AFTPH: variants seen among roughly 807,000 people sequenced by gnomAD.
AFTPH encodes aftiphilin, also known as aftiphilin protein.
In AFTPH, 7 loss-of-function variants were observed where a neutral mutation model predicts 72.5. That is an observed-to-expected ratio of 0.10 (90% CI 0.05 to 0.18). AFTPH has a LOEUF of 0.18. AFTPH is among the 10% of genes least tolerant of loss of function. AFTPH has a pLI of 1.00. For missense variants in AFTPH, 979 were observed against 1,060.5 expected (o/e 0.92, Z 1.07); for synonymous variants, 337 against 370.1 (o/e 0.91, Z 1.03).
intron 2 of AFTPH, among the ~76,000 whole-genome samples, chr2:64,565,027 CG>C (rs1272174540): frequency 6.6e-6 from 1 of 151,586 alleles, no homozygotes; most frequent in African/African-American, 2.4e-5. Flanking sequence ...TTAGTAGAGA[CG>C]GGGTTTCACC....
chr2:64,553,251 G>C, exon 2 of AFTPH: 2 of 1,614,056 alleles, frequency 1.2e-6, no homozygotes, highest in Non-Finnish European at 1.7e-6. Context: ...AGACCAGCAG[G>C]CTACTGAATC....
At chr2:64,576,845 G>C (rs1347725933) in intron 6 of AFTPH, among the ~76,000 whole-genome samples, 1 of 152,110 alleles carries the variant, frequency 6.6e-6, no homozygotes, top group African/African-American at 2.4e-5. Context: ...TGCAACCTCT[G>C]TCTCCTGGGT....
At chr2:64,557,923 A>G (rs1184223083) in intron 2 of AFTPH, among the ~76,000 whole-genome samples, 1 of 152,218 alleles carries the variant, frequency 6.6e-6, no homozygotes, top group African/African-American at 2.4e-5. Flanking sequence ...TTTATTCAGA[A>G]ACTGTACAGA....
intron 2 of AFTPH, among the ~76,000 whole-genome samples, chr2:64,559,818 C>G (rs1444845645): frequency 2.0e-5 from 3 of 152,198 alleles, no homozygotes; most frequent in African/African-American, 7.2e-5. Flanking sequence ...AGTCCTCCCA[C>G]CTCAGCCTCT....
intron 1 of AFTPH, among the ~76,000 whole-genome samples, chr2:64,538,969 A>G (rs981101766): frequency 7.3e-6 from 1 of 136,606 alleles, no homozygotes; most frequent in African/African-American, 3.3e-5. Context: ...TTTTTAGGTT[A>G]CAGACTAGAG....
intron 5 of AFTPH, among the ~76,000 whole-genome samples, chr2:64,569,922 A>G (rs1672315157): frequency 6.6e-6 from 1 of 152,152 alleles, no homozygotes; most frequent in Non-Finnish European, 1.5e-5. Context: ...TAATATTAGC[A>G]TATATAACTG....
chr2:64,590,218 T>C (rs1673742106), intron 8 of AFTPH, among the ~76,000 whole-genome samples: 2 of 152,332 alleles, frequency 1.3e-5, no homozygotes, highest in Middle Eastern at 3.4e-3. Flanking sequence ...TTATTAACAG[T>C]AGCTTATATA....
In AFTPH at chr2:64,588,884, C is replaced by T. The variant is rs575976195; in HGVS notation, c.2580-3001C>T. Among the ~76,000 whole-genome samples the T allele has an allele frequency of 1.1e-4, 16 of 152,204 alleles. No homozygotes were observed. The South Asian group carries it at 3.1e-3, about 30-fold the overall frequency. On this transcript the variant is annotated intron_variant, in intron 8 of 8. Transcript: ENST00000238856. Reference sequence around the variant, plus strand: ...ACAGGCATGAGCCACTGTGCCCAGCCATTTGCCTATATTTTAATTGGATAA... The same window carrying T: ...ACAGGCATGAGCCACTGTGCCCAGCTATTTGCCTATATTTTAATTGGATAA...
At chr2:64,555,700 T>TG in intron 2 of AFTPH, among the ~76,000 whole-genome samples, 1 of 152,250 alleles carries the variant, frequency 6.6e-6, no homozygotes, top group Middle Eastern at 3.4e-3. Flanking sequence ...GAGAAACTGC[T>TG]GGAGGAGGCC....
chr2:64,550,116 C>T (rs557895347), intron 1 of AFTPH, among the ~76,000 whole-genome samples: 3 of 152,270 alleles, frequency 2.0e-5, no homozygotes, highest in South Asian at 4.1e-4. Flanking sequence ...GTAATCTGTA[C>T]ATGAATGTTC....
rs138558470 is a variant in AFTPH, at chr2:64,577,376, G to A, written c.2395-2110G>A. On this transcript the variant is annotated intron_variant, in intron 6 of 8. Transcript: ENST00000238856. ...TTTCATTTCCGTTAAATGTCGATTCGTGTTTATCACCTCATTATGATTTTG... is the reference window on the plus strand; with the variant it reads ...TTTCATTTCCGTTAAATGTCGATTCATGTTTATCACCTCATTATGATTTTG... Among the ~76,000 whole-genome samples, 459 of 151,582 alleles carry A rather than the reference G, an allele frequency of 3.0e-3. 3 individuals carry two copies. The highest frequency in any genetic ancestry group is 0.011 in the African/African-American group (431 of 41,002).
At chr2:64,542,191 C>A (rs963423946) in intron 1 of AFTPH, among the ~76,000 whole-genome samples, 1 of 152,064 alleles carries the variant, frequency 6.6e-6, no homozygotes, top group South Asian at 2.1e-4. Context: ...AAAGAACTCT[C>A]GATGTTTGAT....
At chr2:64,588,501 A>G (rs1165200788) in intron 8 of AFTPH, among the ~76,000 whole-genome samples, 1 of 152,150 alleles carries the variant, frequency 6.6e-6, no homozygotes, top group Admixed American at 6.5e-5. Flanking sequence ...GGAACTGCCA[A>G]ACTTTTCCAA....
At chr2:64,565,338 G>A (rs1020965024) in intron 2 of AFTPH, among the ~76,000 whole-genome samples, 23 of 151,724 alleles carry the variant, frequency 1.5e-4, no homozygotes, top group African/African-American at 5.6e-4. Flanking sequence ...AGCTGGGCGC[G>A]GTGGTGGGCA....
At chr2:64,569,111 A>G in exon 4 of AFTPH, 1 of 1,614,036 alleles carries the variant, frequency 6.2e-7, no homozygotes, top group Non-Finnish European at 8.5e-7. Flanking sequence ...AGATGTGTGG[A>G]CTGAGCTACA....
intron 1 of AFTPH, among the ~76,000 whole-genome samples, chr2:64,548,138 A>G (rs1171095980): frequency 5.5e-5 from 8 of 145,512 alleles, no homozygotes; most frequent in Non-Finnish European, 9.1e-5. Context: ...TCACGCCTGT[A>G]ATCCCAGCAC....
chr2:64,581,130 C>G, intron 7 of AFTPH, 60 bp from the exon 8 acceptor site: 1 of 1,236,806 alleles, frequency 8.1e-7, no homozygotes, highest in Non-Finnish European at 1.1e-6. Flanking sequence ...ACACATAACC[C>G]CTCCTCCCTT....
At chr2:64,531,991 C>T (rs1403019836) in intron 1 of AFTPH, among the ~76,000 whole-genome samples, 3 of 152,056 alleles carry the variant, frequency 2.0e-5, no homozygotes, top group Non-Finnish European at 4.4e-5. Flanking sequence ...ATATATTTTT[C>T]GTAGTATACA....
chr2:64,564,734 G>A (rs4459721), intron 2 of AFTPH, among the ~76,000 whole-genome samples: 11,911 of 152,108 alleles, frequency 0.078, 567 homozygotes, highest in South Asian at 0.11. Flanking sequence ...GAATTAACTA[G>A]TAGTAAGTTA....
Sources: gnomAD v4.1 joint callset for allele counts (sites outside exome capture counted in the v4.1 genomes callset) on GRCh38, gnomAD v4.1.1 for gene constraint, MANE v1.5 for transcripts, NCBI Gene and HGNC (gene_info 2026-07-23, HGNC 2026-07-21) for gene names.